Variants in DCHS2 observed in about 807,000 individuals in gnomAD.
DCHS2 encodes dachsous cadherin-related 2, also known as protocadherin-23.
A neutral mutation model predicts 182.4 loss-of-function variants in DCHS2; 142 were observed. The ratio of observed to expected loss-of-function variants is 0.78; its 90% CI spans 0.68 to 0.89. The LOEUF is 0.89. Ranked by LOEUF, DCHS2 falls within the 40% of genes least tolerant of loss-of-function variation. The pLI is 0.00. For synonymous variants in DCHS2, 1,740 were observed against 1,663.3 expected, an observed-to-expected ratio of 1.05 and a Z score of -1.12; for missense variants, 4,319 against 4,198.6, an observed-to-expected ratio of 1.03 and a Z score of -0.79.
At chr4:154,342,060 C>T (rs918884401) in intron 3 of DCHS2, among the ~76,000 whole-genome samples, 1 of 151,840 alleles carries the variant, frequency 6.6e-6, no homozygotes, top group African/African-American at 2.4e-5. Flanking sequence ...TGCAATAAAG[C>T]CAATACTGCA....
chr4:154,490,433 T>TTA lies in DCHS2; in HGVS notation c.922_923insTA (p.Asp308ValfsTer55). 6.5e-7 allele frequency: 1 copy of TTA among 1,534,042 alleles called. No homozygotes were observed. The highest frequency in any genetic ancestry group is 8.7e-7 in the Non-Finnish European group (1 of 1,145,296). On this transcript the variant is annotated frameshift_variant, in exon 1 of 20. Coordinates refer to ENST00000357232, the MANE Select transcript of DCHS2 (RefSeq NM_001358235.2). LOFTEE classifies it high-confidence loss of function. ...ACAGACCTCGGCGCCCGGCTGGGCG[T>TTA]CCTCGCGCACCGCGGCGCGGTACTC...
intron 2 of DCHS2, among the ~76,000 whole-genome samples, chr4:154,366,943 G>C (rs1444060161): frequency 6.6e-6 from 1 of 152,180 alleles, no homozygotes; most frequent in Non-Finnish European, 1.5e-5. Context: ...CATGGGCAGG[G>C]GGGTGCCCTG....
At chr4:154,247,508 A>G (rs577888962) in intron 16 of DCHS2, among the ~76,000 whole-genome samples, 10 of 151,568 alleles carry the variant, frequency 6.6e-5, no homozygotes, top group Non-Finnish European at 1.2e-4. Context: ...TGGGTGTGGT[A>G]GTGGGTGCCT....
chr4:154,483,670 G>T (rs1463727026), intron 1 of DCHS2, among the ~76,000 whole-genome samples: 1 of 152,188 alleles, frequency 6.6e-6, no homozygotes, highest in Non-Finnish European at 1.5e-5. Flanking sequence ...TGGCATGGGA[G>T]GCTGAATATC....
Position 154,332,872 on chromosome 4 carries a change from G to A in DCHS2, c.3336C>T (p.Gly1112=). 7 of 1,614,200 alleles carry A rather than the reference G, an allele frequency of 4.3e-6. No homozygotes were observed. Among genetic ancestry groups the A allele is most frequent in the Non-Finnish European group, 5.9e-6 (7 of 1,180,034 alleles). The change falls in exon 5 of 20, where the codon GGC becomes GGT. Residue 1112 remains glycine, a synonymous_variant. Transcript: ENST00000357232. ...QMLQTQAHPL[G]PQRAASPLRY... ...TAAGAGGCGAGGCTGCACGCTGGGG[G>A]CCAAGTGGGTGCGCCTGTGTTTGCA... is the stretch of plus-strand genomic sequence containing the variant.
intron 13 of DCHS2, among the ~76,000 whole-genome samples, chr4:154,276,313 G>A (rs2404892): frequency 0.79 from 119,597 of 152,110 alleles, 47,278 homozygotes; most frequent in South Asian, 0.91. Context: ...TAAAAAGTGT[G>A]AAACATTTAA....
chr4:154,259,471 T>C, intron 15 of DCHS2, 74 bp downstream of exon 15: 1 of 1,414,354 alleles, frequency 7.1e-7, no homozygotes, highest in Non-Finnish European at 9.5e-7. Flanking sequence ...CTTGTAATAA[T>C]TCTCTCTCTC....
chr4:154,258,367 CTTTTTT>C lies in DCHS2; in HGVS notation c.6789+1172_6789+1177del, dbSNP rs771510956. ...AACTGGAATTGCAGTAAAAGAAAGGCTTTTTTTTTTTTTTTTTTTTTTTTTGTGAGA... is the reference window on the plus strand; with the variant it reads ...AACTGGAATTGCAGTAAAAGAAAGGCTTTTTTTTTTTTTTTTTTTGTGAGA... On this transcript the variant is annotated intron_variant, in intron 15 of 19. Coordinates refer to ENST00000357232, the MANE Select transcript of DCHS2 (RefSeq NM_001358235.2). Among the ~76,000 whole-genome samples the C allele has an allele frequency of 2.0e-4, 12 of 58,850 alleles. No individual in the cohort carries two copies. In the East Asian group the frequency reaches 2.6e-3, roughly 13 times the overall value. The allele number at this position is 58,850 out of a possible 152,430, so 38.6% of individuals were successfully genotyped here.
In DCHS2 at chr4:154,304,655, A is replaced by T. The variant is rs1371758517; in HGVS notation, c.5605+14T>A. On this transcript the variant is annotated intron_variant, in intron 12 of 19. Coordinates refer to ENST00000357232, the MANE Select transcript of DCHS2 (RefSeq NM_001358235.2). Reference sequence around the variant, plus strand: ...AAAAAACAAACAAACAAACAAACAAACAAACAAACTTACCAATTATGTGAT... The same window carrying T: ...AAAAAACAAACAAACAAACAAACAATCAAACAAACTTACCAATTATGTGAT... The T allele has an allele frequency of 1.3e-6, 2 of 1,592,902 alleles. No homozygotes were observed. Among genetic ancestry groups the T allele is most frequent in the Admixed American group, 1.7e-5 (1 of 58,064 alleles).
Position 154,320,622 on chromosome 4 carries a change from C to T in DCHS2, c.4777G>A (p.Ala1593Thr), listed in dbSNP as rs1736021160. The T allele has an allele frequency of 6.2e-7, 1 of 1,613,984 alleles. No homozygotes were observed. Among genetic ancestry groups the T allele is most frequent in the Non-Finnish European group, 8.5e-7 (1 of 1,180,024 alleles). The change falls in exon 9 of 20, where the codon GCT becomes ACT. Residue 1593 changes from alanine to threonine, a missense_variant. Transcript: ENST00000357232. ...VILTVTASDQ[A>T]VNVTDRRLRS... Reference sequence around the variant, plus strand: ...AGTCGCCGGTCTGTCACATTCACAGCCTGATCAGATGCTGTTACTGTCAGG... The same window carrying T: ...AGTCGCCGGTCTGTCACATTCACAGTCTGATCAGATGCTGTTACTGTCAGG...
chr4:154,410,599 A>T (rs1349689264), intron 1 of DCHS2, among the ~76,000 whole-genome samples: 1 of 149,362 alleles, frequency 6.7e-6, no homozygotes, highest in Non-Finnish European at 1.5e-5. Context: ...AAAAAAAAAA[A>T]AATGAAGGCA....
chr4:154,417,247 G>GAGAGAGAGAGAGAC (rs1396510277), intron 1 of DCHS2, among the ~76,000 whole-genome samples: 1 of 142,056 alleles, frequency 7.0e-6, no homozygotes, highest in African/African-American at 2.7e-5. Flanking sequence ...GAGAGAGAGA[G>GAGAGAGAGAGAGAC]AGAGACCAGT....
intron 14 of DCHS2, among the ~76,000 whole-genome samples, 190 bp downstream of exon 14, chr4:154,269,710 A>C (rs1194924731): frequency 6.6e-6 from 1 of 152,162 alleles, no homozygotes; most frequent in East Asian, 1.9e-4. Flanking sequence ...AAATATTAAG[A>C]ATATAATTCT....
At chr4:154,341,812 C>T (rs1175844821) in intron 3 of DCHS2, among the ~76,000 whole-genome samples, 1 of 152,172 alleles carries the variant, frequency 6.6e-6, no homozygotes, top group East Asian at 1.9e-4. Flanking sequence ...CATGGTTTTA[C>T]CTTAATCTCC....
At chr4:154,473,476 A>G (rs1168104456) in intron 1 of DCHS2, among the ~76,000 whole-genome samples, 1 of 151,906 alleles carries the variant, frequency 6.6e-6, no homozygotes, top group Non-Finnish European at 1.5e-5. Flanking sequence ...CAGACAGGGG[A>G]GAATTCATTT....
chr4:154,335,570 C>G (rs547919191), intron 3 of DCHS2, among the ~76,000 whole-genome samples: 1 of 152,286 alleles, frequency 6.6e-6, no homozygotes, highest in Admixed American at 6.5e-5. Flanking sequence ...ACACTGCCAG[C>G]TCTCCTGGCT....
chr4:154,427,782 C>A (rs1338859208), intron 1 of DCHS2, among the ~76,000 whole-genome samples: 1 of 152,188 alleles, frequency 6.6e-6, no homozygotes, highest in East Asian at 1.9e-4. Flanking sequence ...CTACCACCTC[C>A]CGTCAGAGAG....
chr4:154,376,099 A>G (rs1267615900), intron 2 of DCHS2, among the ~76,000 whole-genome samples: 1 of 152,064 alleles, frequency 6.6e-6, no homozygotes, highest in East Asian at 1.9e-4. Flanking sequence ...TGGATGGAGG[A>G]CAGTTACAAC....
rs1188528140 is a variant in DCHS2, at chr4:154,466,514, A to G, written c.2052+22790T>C. On this transcript the variant is annotated intron_variant, in intron 1 of 19. Transcript: ENST00000357232. ...AATGGAGACATTACCTCATCCCTCG[A>G]GACCGCTTGCTGAAAATGCAACCCT... 2.0e-5 allele frequency among the ~76,000 whole-genome samples: 3 copies of G among 152,324 alleles called. No individual in the cohort carries two copies. The East Asian group carries it at 5.8e-4, about 29-fold the overall frequency.
Sources: gnomAD v4.1 joint callset for allele counts (sites outside exome capture counted in the v4.1 genomes callset) on GRCh38, gnomAD v4.1.1 for gene constraint, MANE v1.5 for transcripts, NCBI Gene and HGNC (gene_info 2026-07-23, HGNC 2026-07-21) for gene names.